Variants in CAMTA1 observed in about 807,000 individuals in gnomAD.
The protein encoded by CAMTA1 is calmodulin-binding transcription activator 1.
CAMTA1 carries 27 observed loss-of-function variants against 170.9 expected under a neutral mutation model. The ratio of observed to expected loss-of-function variants is 0.16; its 90% CI spans 0.12 to 0.22. The LOEUF is 0.22. Among genes scored for constraint, CAMTA1 ranks in the 10% least tolerant of loss-of-function variants. CAMTA1 has a pLI of 1.00. For synonymous variants in CAMTA1, 833 were observed against 891.5 expected (o/e 0.93, Z 1.17); for missense variants, 1,619 against 2,217.2 (o/e 0.73, Z 5.42).
intron 11 of CAMTA1, among the ~76,000 whole-genome samples, chr1:7,708,716 T>TG (rs2096546171): frequency 6.6e-6 from 1 of 152,228 alleles, no homozygotes; most frequent in South Asian, 2.1e-4. Context: ...TTGAAGCACC[T>TG]ACTATACATC....
chr1:7,424,149 A>T (rs527364412), intron 5 of CAMTA1, among the ~76,000 whole-genome samples: 5 of 152,212 alleles, frequency 3.3e-5, no homozygotes, highest in African/African-American at 1.2e-4. Flanking sequence ...TCTCTCGGGC[A>T]TCTCTTTCCT....
intron 5 of CAMTA1, among the ~76,000 whole-genome samples, chr1:7,384,035 G>A (rs749371798): frequency 3.3e-5 from 5 of 152,266 alleles, no homozygotes; most frequent in African/African-American, 9.6e-5. Flanking sequence ...AACACAGGAC[G>A]GGACTGGGCT....
intron 4 of CAMTA1, among the ~76,000 whole-genome samples, chr1:7,132,581 C>T (rs1336630352): frequency 6.6e-6 from 1 of 152,146 alleles, no homozygotes; most frequent in Non-Finnish European, 1.5e-5. Context: ...GTTGGTGGCT[C>T]CTGCCTGTAA....
At chr1:6,909,030 A>G (rs1040446059) in intron 3 of CAMTA1, among the ~76,000 whole-genome samples, 1 of 152,266 alleles carries the variant, frequency 6.6e-6, no homozygotes, top group African/African-American at 2.4e-5. Flanking sequence ...CATCTGCATC[A>G]TTTTATATCA....
intron 3 of CAMTA1, among the ~76,000 whole-genome samples, chr1:7,035,120 G>C (rs1303133554): frequency 2.0e-5 from 3 of 152,126 alleles, no homozygotes; most frequent in Non-Finnish European, 4.4e-5. Flanking sequence ...TGTCATTTTT[G>C]GCTGGAGGCG....
rs754039295 is a variant in CAMTA1 at position 7,738,459 on chromosome 1, G to T, written c.4159G>T (p.Gly1387Cys). The stretch of plus-strand genomic sequence containing the variant: ...TGATAGTGCAGAAAATGAAGAATGC[G>T]GCCAGCCCATGGATGACATACAGGT... ...YRDSAENEEC[G>C]QPMDDIQVNM... The change falls in exon 16 of 23, where the codon GGC becomes TGC. Residue 1387 changes from glycine (G) to cysteine (C), a missense_variant. Coordinates refer to ENST00000303635, the MANE Select transcript of CAMTA1 (RefSeq NM_015215.4). The surrounding 1 kb of genome is among the most constrained non-coding windows in gnomAD (Gnocchi z 4.9). 6.2e-7 allele frequency: 1 copy of T among 1,613,862 alleles called. No homozygotes were observed. Among genetic ancestry groups the T allele is most frequent in the Admixed American group, 1.7e-5 (1 of 60,008 alleles).
intron 5 of CAMTA1, among the ~76,000 whole-genome samples, chr1:7,387,705 G>A (rs1467904089): frequency 6.6e-6 from 1 of 152,218 alleles, no homozygotes; most frequent in Admixed American, 6.5e-5. Flanking sequence ...ATGATAGTGG[G>A]AGTTTGGACA....
At chr1:7,576,753 G>A (rs57803678) in intron 6 of CAMTA1, among the ~76,000 whole-genome samples, 22,717 of 152,162 alleles carry the variant, frequency 0.15, 5,507 homozygotes, top group African/African-American at 0.51. Context: ...TGCAGCTGAG[G>A]GGAGCAGTAC....
At chr1:6,909,317 G>A (rs929827555) in intron 3 of CAMTA1, among the ~76,000 whole-genome samples, 6 of 152,162 alleles carry the variant, frequency 3.9e-5, no homozygotes, top group Non-Finnish European at 8.8e-5. Context: ...AATTACTTCC[G>A]AATACTTGTG....
At chr1:7,656,865 G>A (rs79966825) in intron 7 of CAMTA1, among the ~76,000 whole-genome samples, 5,948 of 152,338 alleles carry the variant, frequency 0.039, 141 homozygotes, top group African/African-American at 0.051. Flanking sequence ...TAGTGGAAGC[G>A]CTGCTGCCTT....
At chr1:7,659,204 C>T (rs1345926324) in intron 7 of CAMTA1, among the ~76,000 whole-genome samples, 9 of 152,206 alleles carry the variant, frequency 5.9e-5, no homozygotes, top group Admixed American at 5.9e-4. Context: ...GTATTCCTGC[C>T]AGATCCCAAG....
In CAMTA1 at chr1:7,456,195, T is replaced by G. The variant is rs1294233275; in HGVS notation, c.439-11635T>G. Among the ~76,000 whole-genome samples, 49 of 83,654 alleles carry G rather than the reference T, an allele frequency of 5.9e-4. No homozygotes were observed. Among genetic ancestry groups the G allele is most frequent in the Admixed American group, 1.5e-3 (9 of 5,980 alleles). The allele number at this position is 83,654 out of a possible 152,430, so 54.9% of individuals were successfully genotyped here. A position where few individuals can be genotyped will look rare whatever the true frequency, so the allele number is the denominator to read the frequency against. ...GGAGATGGAAGGGAGGGAGGAAAAA[T>G]GGGAGGGAGGGAGGAAGAATGGGAG... is the stretch of plus-strand genomic sequence containing the variant. On this transcript the variant is annotated intron_variant, in intron 5 of 22. Coordinates refer to ENST00000303635, the MANE Select transcript of CAMTA1 (RefSeq NM_015215.4). This position sits in a 1 kb window ranked among gnomAD's most constrained non-coding sequence, Gnocchi z 4.9.
rs868391548 is a variant in CAMTA1 at position 7,307,011 on chromosome 1, G to C, written c.438+57385G>C. Among the ~76,000 whole-genome samples, 4 of 152,016 alleles carry C rather than the reference G, an allele frequency of 2.6e-5. No individual in the cohort carries two copies. In the South Asian group the frequency reaches 8.3e-4, roughly 31 times the overall value. ...AATACTATACCATTTTATATAAGGAGCTTGAGGATCTGTGGATTTTTATAT... is the reference window on the plus strand; with the variant it reads ...AATACTATACCATTTTATATAAGGACCTTGAGGATCTGTGGATTTTTATAT... On this transcript the variant is annotated intron_variant, in intron 5 of 22. Transcript: ENST00000303635.
chr1:7,352,682 A>G (rs2084777703), intron 5 of CAMTA1, among the ~76,000 whole-genome samples: 1 of 152,214 alleles, frequency 6.6e-6, no homozygotes. Context: ...CTGCTCCTGC[A>G]TAAGCCTCTG....
At chr1:7,575,004 G>A (rs772426892) in intron 6 of CAMTA1, among the ~76,000 whole-genome samples, 15 of 152,340 alleles carry the variant, frequency 9.8e-5, no homozygotes, top group Admixed American at 7.2e-4. Context: ...GCTGCTTCAT[G>A]CACATTCCCT....
chr1:7,139,870 A>G (rs1645792504), intron 4 of CAMTA1, among the ~76,000 whole-genome samples: 2 of 152,072 alleles, frequency 1.3e-5, no homozygotes, highest in Non-Finnish European at 2.9e-5. Context: ...GAGCCTTTTT[A>G]TTTTAGTCCA....
At chr1:7,091,446 C>T in intron 4 of CAMTA1, 75 bp downstream of exon 4, 1 of 1,154,556 alleles carries the variant, frequency 8.7e-7, no homozygotes, top group African/African-American at 1.5e-5. Flanking sequence ...CCTGATTTGG[C>T]CAGTGAATTC....
intron 4 of CAMTA1, among the ~76,000 whole-genome samples, chr1:7,145,718 G>A (rs1428499922): frequency 6.6e-6 from 1 of 152,240 alleles, no homozygotes; most frequent in Non-Finnish European, 1.5e-5. Context: ...GAGTCTGTGA[G>A]CACAGAGGGG....
chr1:7,188,531 CCAGGGACCTCATA>C (rs2148932133), intron 4 of CAMTA1, among the ~76,000 whole-genome samples: 1 of 152,292 alleles, frequency 6.6e-6, no homozygotes, highest in African/African-American at 2.4e-5. Context: ...TTTGACTACT[CCAGGGACCTCATA>C]CAAGTACCAA....
Sources: gnomAD v4.1 joint callset for allele counts (sites outside exome capture counted in the v4.1 genomes callset) on GRCh38, gnomAD v4.1.1 for gene constraint, Gnocchi (gnomAD v3.1) non-coding constraint, MANE v1.5 for transcripts, NCBI Gene and HGNC (gene_info 2026-07-23, HGNC 2026-07-21) for gene names.